GRHL1: variants seen among roughly 807,000 people sequenced by gnomAD.
The protein encoded by GRHL1 is grainyhead-like protein 1 homolog.
Under a neutral mutation model 75.7 loss-of-function variants are expected in GRHL1, and 38 were observed. That is an observed-to-expected ratio of 0.50 (90% CI 0.39 to 0.66). The LOEUF (loss-of-function observed/expected upper bound fraction) is 0.66, where lower values mean the gene tolerates loss of function less well. Ranked by LOEUF, GRHL1 falls within the 30% of genes least tolerant of loss-of-function variation. The probability of loss-of-function intolerance (pLI) is 0.00; values close to 1 mark genes in which losing one functional copy is unlikely to be tolerated. For synonymous variants in GRHL1, 266 were observed against 279.4 expected (o/e 0.95, Z 0.48); for missense variants, 589 against 767.5 (o/e 0.77, Z 2.75).
In GRHL1 at chr2:9,992,323, A is replaced by G. The variant is rs1668679508; in HGVS notation, c.1461+177A>G. On this transcript the variant is annotated intron_variant, in intron 11 of 15. Transcript: ENST00000324907. The surrounding 1 kb of genome is among the most constrained non-coding windows in gnomAD (Gnocchi z 4.6). The stretch of plus-strand genomic sequence containing the variant: ...TGCCCGTGCAATAAAAATGGTAAGC[A>G]TCGCTGATTTCAAGGTGCAGTGCAG... Among the ~76,000 whole-genome samples, 1 of 152,224 alleles carries G rather than the reference A, an allele frequency of 6.6e-6. No individual in the cohort carries two copies. The highest frequency in any genetic ancestry group is 2.4e-5 in the African/African-American group (1 of 41,464).
At chr2:9,960,475 A>G (rs1311037410) in intron 3 of GRHL1, 1 of 152,128 alleles carries the variant, frequency 6.6e-6, no homozygotes, top group Admixed American at 6.6e-5. Flanking sequence ...AAAAGGAGAA[A>G]GCCAAATGGC....
Position 9,998,448 on chromosome 2 carries a change from G to GTGTA in GRHL1, c.1678-516_1678-515insGTAT, listed in dbSNP as rs1553306800. Among the ~76,000 whole-genome samples, 9 of 71,146 alleles carry GTGTA rather than the reference G, an allele frequency of 1.3e-4. 1 individual carries two copies. Among genetic ancestry groups the GTGTA allele is most frequent in the Admixed American group, 7.4e-4 (4 of 5,440 alleles). The allele number at this position is 71,146 out of a possible 152,430, so 46.7% of individuals were successfully genotyped here. Reference sequence around the variant, plus strand: ...CATGTGTGTGTGTGTGTGTGTGTGTGTATATATATACATATATATACGTAT... The same window carrying GTGTA: ...CATGTGTGTGTGTGTGTGTGTGTGTGTGTATATATATATACATATATATACGTAT... On this transcript the variant is annotated intron_variant, in intron 14 of 15. Coordinates refer to ENST00000324907, the MANE Select transcript of GRHL1 (RefSeq NM_198182.3).
At chr2:9,986,780 C>T (rs535960402) in intron 9 of GRHL1, among the ~76,000 whole-genome samples, 1 of 152,272 alleles carries the variant, frequency 6.6e-6, no homozygotes, top group East Asian at 1.9e-4. Flanking sequence ...AATCACTGCT[C>T]ACTGTAGCCT....
At position 10,001,538 on chromosome 2, in the gene GRHL1, T is replaced by C. The variant is rs1209207922; in HGVS notation, c.*831T>C. On this transcript the variant is annotated 3_prime_UTR_variant, in exon 16 of 16. Coordinates refer to ENST00000324907, the MANE Select transcript of GRHL1 (RefSeq NM_198182.3). ...TTTTTGATCGTGTATACCAAGCAGATAGAATACTGTGCTTAGTGGAACCCG... is the reference window on the plus strand; with the variant it reads ...TTTTTGATCGTGTATACCAAGCAGACAGAATACTGTGCTTAGTGGAACCCG... 6.6e-6 allele frequency: 1 copy of C among 152,212 alleles called. No individual in the cohort carries two copies. The highest frequency in any genetic ancestry group is 1.5e-5 in the Non-Finnish European group (1 of 68,048). 9.4% of individuals were successfully genotyped at this position (152,212 alleles called of 1,614,324 possible). A position where few individuals can be genotyped will look rare whatever the true frequency, so the allele number is the denominator to read the frequency against.
intron 7 of GRHL1, chr2:9,965,032 T>A (rs79096959): frequency 0.014 from 5,394 of 393,026 alleles, 90 homozygotes; most frequent in East Asian, 0.06. Flanking sequence ...GGACTGTTAT[T>A]TAAACTTTTT....
In GRHL1 at chr2:9,993,354, G is replaced by C. The variant is rs550956855; in HGVS notation, c.1499+110G>C. On this transcript the variant is annotated intron_variant, in intron 12 of 15. Coordinates refer to ENST00000324907, the MANE Select transcript of GRHL1 (RefSeq NM_198182.3). ...ACTCATTTTTCCCTGAGCCATCAAGGATAAGTTGCCAGCCTGATGGCCCAT... is the reference window on the plus strand; with the variant it reads ...ACTCATTTTTCCCTGAGCCATCAAGCATAAGTTGCCAGCCTGATGGCCCAT... The C allele has an allele frequency of 2.5e-5, 22 of 870,254 alleles. No homozygotes were observed. In the African/African-American group the frequency reaches 3.7e-4, roughly 14 times the overall value. The allele number at this position is 870,254 out of a possible 1,614,324, so 53.9% of individuals were successfully genotyped here.
intron 12 of GRHL1, among the ~76,000 whole-genome samples, chr2:9,994,341 A>ATTATTC (rs1668765720): frequency 8.0e-6 from 1 of 125,518 alleles, no homozygotes; most frequent in Non-Finnish European, 1.7e-5. Context: ...TATTATTATT[A>ATTATTC]TTATTATTAT....
Position 9,951,952 on chromosome 2 carries a change from G to T in GRHL1, c.20+99G>T. Reference sequence around the variant, plus strand: ...GGCGCAGACCCGAGGCCGCGCGGGCGGGCGGGCGCGGGGCGCGAGCCGGGG... The same window carrying T: ...GGCGCAGACCCGAGGCCGCGCGGGCTGGCGGGCGCGGGGCGCGAGCCGGGG... On this transcript the variant is annotated intron_variant, in intron 1 of 15. Coordinates refer to ENST00000324907, the MANE Select transcript of GRHL1 (RefSeq NM_198182.3). The surrounding 1 kb of genome is among the most constrained non-coding windows in gnomAD (Gnocchi z 4.2). The T allele has an allele frequency of 1.4e-6, 1 of 697,866 alleles. No individual in the cohort carries two copies. The highest frequency in any genetic ancestry group is 1.8e-6 in the Non-Finnish European group (1 of 559,342). 43.2% of individuals were successfully genotyped at this position (697,866 alleles called of 1,614,324 possible). A position where few individuals can be genotyped will look rare whatever the true frequency, so the allele number is the denominator to read the frequency against.
At chr2:9,999,074 C>T (rs1170898363) in intron 15 of GRHL1, 45 bp downstream of exon 15, 1 of 1,013,234 alleles carries the variant, frequency 9.9e-7, no homozygotes, top group Non-Finnish European at 1.5e-6. Context: ...GTGCTGATGC[C>T]CCCCGCAGTG....
intron 1 of GRHL1, chr2:9,952,798 C>T (rs1666849000): frequency 7.3e-6 from 2 of 272,732 alleles, no homozygotes; most frequent in Non-Finnish European, 1.5e-5. Context: ...GTACCCCTCC[C>T]AGTTTCTTAG....
At chr2:9,999,961 A>G (rs1025009062) in intron 15 of GRHL1, among the ~76,000 whole-genome samples, 1 of 152,138 alleles carries the variant, frequency 6.6e-6, no homozygotes, top group Non-Finnish European at 1.5e-5. Context: ...ACTTCACATC[A>G]TGTAAGTTAG....
At position 9,998,979 on chromosome 2, in the gene GRHL1, C is replaced by A; in HGVS notation, c.1692C>A (p.Tyr564Ter). 1 of 1,569,050 alleles carries A rather than the reference C, an allele frequency of 6.4e-7. No homozygotes were observed. The highest frequency in any genetic ancestry group is 8.7e-7 in the Non-Finnish European group (1 of 1,151,908). The change falls in exon 15 of 16, where the codon TAC becomes TAA. Residue 564 changes from tyrosine (Y) to a stop codon, truncating the protein, a stop_gained. Transcript: ENST00000324907. LOFTEE classifies it high-confidence loss of function. ...TCCTCTTTTAGATCTCAGACAAATACGATGTTCCCCATGACAAGATTGGGA... is the reference window on the plus strand; with the variant it reads ...TCCTCTTTTAGATCTCAGACAAATAAGATGTTCCCCATGACAAGATTGGGA... ...KGLMEAISDK[Y>*]DVPHDKIGKI...
chr2:9,982,721 C>T (rs758686066), intron 8 of GRHL1, among the ~76,000 whole-genome samples: 7 of 152,122 alleles, frequency 4.6e-5, no homozygotes, highest in Non-Finnish European at 7.3e-5. Flanking sequence ...GAGCCATTGC[C>T]GTATGAGATT....
At chr2:9,958,490 AT>A (rs60857888) in intron 2 of GRHL1, among the ~76,000 whole-genome samples, 29,778 of 149,446 alleles carry the variant, frequency 0.2, 4,193 homozygotes, top group African/African-American at 0.4. Context: ...CAGCGGAGGT[AT>A]TTTTTTTTTA....
At chr2:9,982,959 G>C (rs924563509) in intron 8 of GRHL1, among the ~76,000 whole-genome samples, 1 of 152,138 alleles carries the variant, frequency 6.6e-6, no homozygotes, top group Non-Finnish European at 1.5e-5. Context: ...CCTGCCCTTT[G>C]ACAGGTAAGG....
chr2:9,959,831 A>G (rs1667192391), intron 3 of GRHL1: 1 of 152,200 alleles, frequency 6.6e-6, no homozygotes, highest in Non-Finnish European at 1.5e-5. Context: ...AATTGCTGCT[A>G]TATCTAGTTT....
rs72784463 is a variant in GRHL1 at position 9,992,789 on chromosome 2, A to G, written c.1462-418A>G. Among the ~76,000 whole-genome samples the G allele has an allele frequency of 0.16, 24,734 of 152,212 alleles. 2,118 individuals are homozygous for G. The highest frequency in any genetic ancestry group is 0.19 in the Non-Finnish European group (13,000 of 67,994). ...AAGATTCGTCAGAGTTCTTGGGGCC[A>G]TGGCCAGTACATTTAGTTTCTAATG... On this transcript the variant is annotated intron_variant, in intron 11 of 15. Transcript: ENST00000324907. This position sits in a 1 kb window ranked among gnomAD's most constrained non-coding sequence, Gnocchi z 4.6.
chr2:9,978,150 A>G (rs1668031495), intron 8 of GRHL1, among the ~76,000 whole-genome samples: 1 of 152,192 alleles, frequency 6.6e-6, no homozygotes, highest in Non-Finnish European at 1.5e-5. Context: ...GGGAGCTACA[A>G]TTCAAGATGA....
At chr2:9,995,809 T>A (rs1388697594) in intron 12 of GRHL1, 70 bp from the exon 13 acceptor site, 4 of 849,988 alleles carry the variant, frequency 4.7e-6, no homozygotes, top group Non-Finnish European at 8.0e-6. Context: ...CATGACAGGC[T>A]CTAAAACACC....
Sources: allele counts gnomAD v4.1 joint callset (sites outside exome capture counted in the v4.1 genomes callset), GRCh38; gene constraint gnomAD v4.1.1; non-coding constraint Gnocchi (gnomAD v3.1); transcripts MANE v1.5; gene names NCBI Gene and HGNC (gene_info 2026-07-23, HGNC 2026-07-21).